Variants in NWD1 observed in about 807,000 individuals in gnomAD.
NWD1 encodes the protein NACHT and WD repeat domain containing 1.
Under a neutral mutation model 135.1 loss-of-function variants are expected in NWD1, and 129 were observed. The observed-to-expected ratio is 0.96, with a 90% CI of 0.83 to 1.11. The LOEUF (loss-of-function observed/expected upper bound fraction) is 1.11, where lower values mean the gene tolerates loss of function less well. Among genes scored for constraint, NWD1 ranks in the 50% least tolerant of loss-of-function variants. The pLI is 0.00. For synonymous variants in NWD1, 773 were observed against 786.0 expected (o/e 0.98, Z 0.28); for missense variants, 1,740 against 1,851.3 (o/e 0.94, Z 1.10).
rs1316041822 is a variant in NWD1 at position 16,732,540 on chromosome 19, AGT to A, written c.81+1263_81+1264del. Among the ~76,000 whole-genome samples the A allele has an allele frequency of 4.0e-5, 6 of 148,882 alleles. No individual in the cohort carries two copies. In the Admixed American group the frequency reaches 4.0e-4, roughly 10 times the overall value. ...CGCTGATGGTGTACCTGTTTGGCACAGTCCCAAAACAGTAGGAGCCCCTAATG... is the reference window on the plus strand; with the variant it reads ...CGCTGATGGTGTACCTGTTTGGCACACCCAAAACAGTAGGAGCCCCTAATG... On this transcript the variant is annotated intron_variant, in intron 3 of 18. Transcript: ENST00000524140.
rs150732054 is a variant in NWD1 at position 16,794,546 on chromosome 19, C to T, written c.3297C>T (p.Leu1099=). Reference sequence around the variant, plus strand: ...TGGTCTCTGAAGATGAGTCCCTCCTCGCCGCAGGTAGCGTTTAGCTCTCAT... The same window carrying T: ...TGGTCTCTGAAGATGAGTCCCTCCTTGCCGCAGGTAGCGTTTAGCTCTCAT... ...FLVVSEDESL[L]AAGFGRSVRI... Residue 1099 remains leucine, a synonymous_variant, in exon 15 of 19, where the codon CTC becomes CTT. Coordinates refer to ENST00000524140, the MANE Select transcript of NWD1 (RefSeq NM_001007525.5). The T allele has an allele frequency of 6.3e-5, 101 of 1,601,506 alleles. No homozygotes were observed. The highest frequency in any genetic ancestry group is 9.4e-5 in the African/African-American group (7 of 74,694).
rs1969116309 is a variant in NWD1 at position 16,763,928 on chromosome 19, T to C, written c.2234T>C (p.Leu745Pro). Reference protein sequence around the residue: ...HLLHSGRLEELKQEVLGSMSW... With the variant: ...HLLHSGRLEEPKQEVLGSMSW... ...CTTCACTCGGGCCGCCTGGAGGAGC[T>C]GAAACAGGAGGTTCTGGGTAAGGGC... Residue 745 changes from leucine to proline, a missense_variant, in exon 9 of 19, where the codon CTG becomes CCG. By Grantham distance (98) the Leu-to-Pro change is moderately conservative (BLOSUM62 -3). Coordinates refer to ENST00000524140, the MANE Select transcript of NWD1 (RefSeq NM_001007525.5). 1 of 1,610,678 alleles carries C rather than the reference T, an allele frequency of 6.2e-7. No individual in the cohort carries two copies. The highest frequency in any genetic ancestry group is 1.3e-5 in the African/African-American group (1 of 74,930).
intron 15 of NWD1, among the ~76,000 whole-genome samples, chr19:16,796,873 G>A (rs896729673): frequency 1.3e-5 from 2 of 152,032 alleles, no homozygotes; most frequent in South Asian, 4.1e-4. Context: ...AACTTTACAA[G>A]TTTCCTTAAG....
At chr19:16,784,567 A>T (rs1218178128) in intron 12 of NWD1, among the ~76,000 whole-genome samples, 1 of 152,014 alleles carries the variant, frequency 6.6e-6, no homozygotes, top group Non-Finnish European at 1.5e-5. Context: ...TGAGAGGGGA[A>T]TGAGGTTGGC....
chr19:16,772,078 G>A (rs2122943658), intron 10 of NWD1, among the ~76,000 whole-genome samples: 1 of 152,198 alleles, frequency 6.6e-6, no homozygotes, highest in South Asian at 2.1e-4. Context: ...TTATTGAAAA[G>A]GTTGAGTCTG....
chr19:16,726,213 C>T (rs1367385142), intron 2 of NWD1, among the ~76,000 whole-genome samples: 2 of 151,908 alleles, frequency 1.3e-5, no homozygotes, highest in African/African-American at 2.4e-5. Context: ...CTGCCCACCT[C>T]GGCCTCCCAA....
Position 16,807,972 on chromosome 19 carries a change from G to C in NWD1, c.4123G>C (p.Glu1375Gln), listed in dbSNP as rs746057769. The C allele has an allele frequency of 6.2e-7, 1 of 1,614,028 alleles. No individual in the cohort carries two copies. The highest frequency in any genetic ancestry group is 8.5e-7 in the Non-Finnish European group (1 of 1,180,018). ...GACCAATGGGGACCTCTTTCTTTAC[G>C]AGTGTGCAACTTCCAAAGCGTTTCC... ...SMTNGDLFLY[E>Q]CATSKAFPLE... is the part of the protein sequence containing the mutation. Residue 1375 changes from glutamate (E) to glutamine (Q), a missense_variant, in exon 18 of 19, where the codon GAG becomes CAG. Coordinates refer to ENST00000524140, the MANE Select transcript of NWD1 (RefSeq NM_001007525.5).
At chr19:16,722,531 C>T (rs547720746) in intron 1 of NWD1, among the ~76,000 whole-genome samples, 45 of 151,922 alleles carry the variant, frequency 3.0e-4, no homozygotes, top group African/African-American at 9.6e-4. Context: ...TCAGGCGATC[C>T]GCCCACCTTG....
intron 3 of NWD1, among the ~76,000 whole-genome samples, chr19:16,736,161 C>T (rs1350429287): frequency 1.6e-5 from 2 of 124,174 alleles, no homozygotes; most frequent in Non-Finnish European, 3.5e-5. Flanking sequence ...TTCTCATGAC[C>T]TTGGCAGTCT....
chr19:16,802,036 A>G (rs1423197713), intron 17 of NWD1, among the ~76,000 whole-genome samples: 1 of 152,114 alleles, frequency 6.6e-6, no homozygotes, highest in Non-Finnish European at 1.5e-5. Context: ...CTGTAGTCCC[A>G]GCACTTTGGG....
intron 4 of NWD1, among the ~76,000 whole-genome samples, chr19:16,740,925 G>A (rs537228987): frequency 1.3e-5 from 2 of 152,046 alleles, no homozygotes; most frequent in South Asian, 2.1e-4. Context: ...TTGAGAGGCC[G>A]AGGCAGGCGG....
At chr19:16,770,490 T>C (rs1257430844) in intron 10 of NWD1, among the ~76,000 whole-genome samples, 1 of 152,164 alleles carries the variant, frequency 6.6e-6, no homozygotes, top group Admixed American at 6.6e-5. Context: ...GGTATGTCTT[T>C]ATTAGCAGCA....
At position 16,750,317 on chromosome 19, in the gene NWD1, G is replaced by A. The variant is rs560096144; in HGVS notation, c.1675G>A (p.Ala559Thr). 8.1e-6 allele frequency: 13 copies of A among 1,613,328 alleles called. No individual in the cohort carries two copies. The highest frequency in any genetic ancestry group is 4.5e-5 in the East Asian group (2 of 44,882). The change falls in exon 6 of 19, where the codon GCA becomes ACA. Residue 559 changes from alanine to threonine, a missense_variant. Ala to Thr is a moderately conservative substitution (Grantham distance 58, BLOSUM62 0). Coordinates refer to ENST00000524140, the MANE Select transcript of NWD1 (RefSeq NM_001007525.5). Reference sequence around the variant, plus strand: ...CGTGCCTGTCCCGCTGGCCACCACCGCAGAGGAAGCCACGCACCAACTCTG... The same window carrying A: ...CGTGCCTGTCCCGCTGGCCACCACCACAGAGGAAGCCACGCACCAACTCTG... Reference protein sequence around the residue: ...FTVPVPLATTAEEATHQLCTR... With the variant: ...FTVPVPLATTTEEATHQLCTR...
intron 10 of NWD1, among the ~76,000 whole-genome samples, chr19:16,765,614 A>G (rs1309670354): frequency 6.6e-6 from 1 of 152,148 alleles, no homozygotes; most frequent in African/African-American, 2.4e-5. Context: ...GATTATAGAT[A>G]GACATGAGCC....
At chr19:16,809,327 G>A (rs1222664329) in intron 18 of NWD1, among the ~76,000 whole-genome samples, 1 of 151,904 alleles carries the variant, frequency 6.6e-6, no homozygotes, top group Non-Finnish European at 1.5e-5. Flanking sequence ...ACCTGCCTTG[G>A]CCTCCCAAAG....
chr19:16,736,799 C>G (rs1033414477), intron 4 of NWD1, 49 bp downstream of exon 4: 57 of 1,092,130 alleles, frequency 5.2e-5, no homozygotes, highest in Non-Finnish European at 6.9e-5. Flanking sequence ...CCAGGATATG[C>G]CCCCTGCTTT....
intron 3 of NWD1, among the ~76,000 whole-genome samples, chr19:16,735,476 A>G (rs1967754403): frequency 1.3e-5 from 2 of 151,378 alleles, no homozygotes; most frequent in Non-Finnish European, 2.9e-5. Context: ...ACTAAGCTCC[A>G]GCCTGGGTGA....
chr19:16,782,303 A>G (rs959743204), intron 12 of NWD1, among the ~76,000 whole-genome samples: 1 of 151,162 alleles, frequency 6.6e-6, no homozygotes, highest in African/African-American at 2.4e-5. Context: ...AAAAAAAAAA[A>G]AAAGTGTTTT....
intron 8 of NWD1, among the ~76,000 whole-genome samples, chr19:16,763,434 G>A (rs1354585950): frequency 6.6e-6 from 1 of 152,080 alleles, no homozygotes; most frequent in Non-Finnish European, 1.5e-5. Context: ...AACCTGACTT[G>A]TATAATTCAG....
Sources: allele counts gnomAD v4.1 joint callset (sites outside exome capture counted in the v4.1 genomes callset), GRCh38; gene constraint gnomAD v4.1.1; transcripts MANE v1.5; gene names NCBI Gene and HGNC (gene_info 2026-07-23, HGNC 2026-07-21).